Variants in C12orf56 observed in about 807,000 individuals in gnomAD.
The protein encoded by C12orf56 is uncharacterized protein C12orf56.
C12orf56 carries 71 observed loss-of-function variants against 69.9 expected under a neutral mutation model. The observed-to-expected ratio is 1.02, with a 90% confidence interval of 0.84 to 1.24. The LOEUF is 1.24. C12orf56 is among the 50% of genes most tolerant of loss of function. The pLI, the probability that C12orf56 is intolerant of heterozygous loss-of-function variation, is 0.00. For missense variants in C12orf56, 732 were observed against 738.5 expected, an observed-to-expected ratio of 0.99 and a Z score of 0.10; for synonymous variants, 276 against 274.1, an observed-to-expected ratio of 1.01 and a Z score of -0.07.
intron 5 of C12orf56, among the ~76,000 whole-genome samples, chr12:64,305,551 T>G (rs190394966): frequency 6.6e-6 from 1 of 152,148 alleles, no homozygotes; most frequent in Non-Finnish European, 1.5e-5. Context: ...CCAGCTAATT[T>G]TTTGTATTTT....
At chr12:64,292,818 C>G (rs2038308210) in intron 6 of C12orf56, among the ~76,000 whole-genome samples, 1 of 120,052 alleles carries the variant, frequency 8.3e-6, no homozygotes, top group South Asian at 3.5e-4. Context: ...TGTCTGTGCC[C>G]TGCCCCCAGA....
At chr12:64,323,153 A>T (rs933434760) in intron 3 of C12orf56, among the ~76,000 whole-genome samples, 1 of 152,156 alleles carries the variant, frequency 6.6e-6, no homozygotes, top group African/African-American at 2.4e-5. Context: ...GTTCAGGGAG[A>T]GAAGATGCAA....
chr12:64,339,880 G>A lies in C12orf56; in HGVS notation c.416-8848C>T, dbSNP rs57946342. On this transcript the variant is annotated intron_variant, in intron 2 of 12. Transcript: ENST00000543942. ...CTGTATTAGTCAGTGTTCTCTAGAG[G>A]GACAGAATTAATGGAATAAATATAT... Among the ~76,000 whole-genome samples the A allele has an allele frequency of 7.6e-3, 1,163 of 152,066 alleles. 18 individuals are homozygous for A. Among genetic ancestry groups the A allele is most frequent in the African/African-American group, 0.027 (1,100 of 41,486 alleles).
intron 1 of C12orf56, among the ~76,000 whole-genome samples, chr12:64,375,120 T>C (rs1054046096): frequency 4.0e-5 from 6 of 151,758 alleles, no homozygotes; most frequent in African/African-American, 9.7e-5. Flanking sequence ...TACAGTGGTG[T>C]GACCATGGTT....
At chr12:64,301,632 T>C (rs758922873) in intron 6 of C12orf56, among the ~76,000 whole-genome samples, 3 of 152,194 alleles carry the variant, frequency 2.0e-5, no homozygotes, top group Non-Finnish European at 4.4e-5. Context: ...CATGTAGACA[T>C]ATAGCTTAGA....
chr12:64,311,119 T>C (rs2038606723), intron 5 of C12orf56, among the ~76,000 whole-genome samples: 1 of 152,098 alleles, frequency 6.6e-6, no homozygotes, highest in Non-Finnish European at 1.5e-5. Flanking sequence ...AGTCTATCAT[T>C]GTTGGACATT....
At chr12:64,356,105 A>G (rs1467377455) in intron 1 of C12orf56, among the ~76,000 whole-genome samples, 2 of 141,188 alleles carry the variant, frequency 1.4e-5, no homozygotes, top group Non-Finnish European at 3.0e-5. Context: ...TGGAGGTTGC[A>G]GTGAGCCGAG....
intron 1 of C12orf56, among the ~76,000 whole-genome samples, chr12:64,382,262 CAAAAA>C (rs55714337): frequency 6.1e-5 from 6 of 97,676 alleles, no homozygotes; most frequent in Non-Finnish European, 1.2e-4. Flanking sequence ...ACTCTTGTCT[CAAAAA>C]AAAAAAAAAA....
At chr12:64,381,879 C>A (rs2039723116) in intron 1 of C12orf56, among the ~76,000 whole-genome samples, 1 of 152,040 alleles carries the variant, frequency 6.6e-6, no homozygotes, top group East Asian at 1.9e-4. Context: ...ATAGGGAAAA[C>A]CAAGGAGGAA....
At position 64,266,678 on chromosome 12, in the gene C12orf56, A is replaced by C. The variant is rs1339476024; in HGVS notation, c.*505T>G. On this transcript the variant is annotated 3_prime_UTR_variant, in exon 13 of 13. Coordinates refer to ENST00000543942, the MANE Select transcript of C12orf56 (RefSeq NM_001170633.2). The stretch of plus-strand genomic sequence containing the variant: ...TGTGCCTGGCATGGTTTCACCGAGA[A>C]CACTGTGCCCAAGCTGAGAAGATAA... 3.7e-6 allele frequency: 3 copies of C among 820,954 alleles called. No individual in the cohort carries two copies. The allele number at this position is 820,954 out of a possible 1,614,324, so 50.9% of individuals were successfully genotyped here. A position where few individuals can be genotyped will look rare whatever the true frequency, so the allele number is the denominator to read the frequency against.
In C12orf56 at chr12:64,387,077, C is replaced by CAACAAAAAAAAAAA. The variant is rs1201123599; in HGVS notation, c.252+3236_252+3237insTTTTTTTTTTTGTT. Among the ~76,000 whole-genome samples the CAACAAAAAAAAAAA allele has an allele frequency of 7.4e-4, 31 of 42,110 alleles. 4 individuals carry two copies. The highest frequency in any genetic ancestry group is 3.3e-3 in the African/African-American group (30 of 9,160). 27.6% of individuals were successfully genotyped at this position (42,110 alleles called of 152,430 possible). A position where few individuals can be genotyped will look rare whatever the true frequency, so the allele number is the denominator to read the frequency against. ...TGGGTAACAGAGCGAGACTCTATCT[C>CAACAAAAAAAAAAA]AAAAAAAAAAAAAAAAAAAAAAAAA... On this transcript the variant is annotated intron_variant, in intron 1 of 12. Transcript: ENST00000543942.
chr12:64,363,812 C>A (rs1441521793), intron 1 of C12orf56, among the ~76,000 whole-genome samples: 4 of 152,076 alleles, frequency 2.6e-5, no homozygotes, highest in African/African-American at 9.7e-5. Context: ...CCTTTAATCC[C>A]CTGACCTGCA....
At chr12:64,356,184 A>AC (rs2039313234) in intron 1 of C12orf56, among the ~76,000 whole-genome samples, 6 of 146,854 alleles carry the variant, frequency 4.1e-5, no homozygotes, top group Non-Finnish European at 6.1e-5. Context: ...AAAAAAAAAA[A>AC]AAAAAAAAAA....
chr12:64,373,205 T>C (rs2135975932), intron 1 of C12orf56, among the ~76,000 whole-genome samples: 1 of 152,246 alleles, frequency 6.6e-6, no homozygotes, highest in East Asian at 1.9e-4. Context: ...GAATACTCCA[T>C]ATGAAATCTA....
rs759052735 is a variant in C12orf56, at chr12:64,318,828, G to T, written c.641C>A (p.Ala214Asp). 5.2e-6 allele frequency: 8 copies of T among 1,537,118 alleles called. No individual in the cohort carries two copies. Among genetic ancestry groups the T allele is most frequent in the Non-Finnish European group, 5.2e-6 (6 of 1,146,922 alleles). Reference sequence around the variant, plus strand: ...TGTTGTGCAAGATGGCTCGCTGACAGCCTTGCCAGTTGTTGGTGCAGACTG... The same window carrying T: ...TGTTGTGCAAGATGGCTCGCTGACATCCTTGCCAGTTGTTGGTGCAGACTG... Reference protein sequence around the residue: ...SSQSAPTTGKAVSEPSCTTNT... With the variant: ...SSQSAPTTGKDVSEPSCTTNT... Residue 214 changes from alanine (A) to aspartate (D), a missense_variant, in exon 4 of 13, where the codon GCT (alanine) becomes GAT (aspartate). Coordinates refer to ENST00000543942, the MANE Select transcript of C12orf56 (RefSeq NM_001170633.2).
chr12:64,308,936 GAAAGAAGAAAGAAAGA>G (rs2038561558), intron 5 of C12orf56, among the ~76,000 whole-genome samples: 1 of 32,574 alleles, frequency 3.1e-5, no homozygotes, highest in Admixed American at 3.8e-4. Flanking sequence ...AAGAAAGAAA[GAAAGAAGAAAGAAAGA>G]AAGAAAGAAA....
chr12:64,306,960 G>C (rs1257087781), intron 5 of C12orf56, among the ~76,000 whole-genome samples: 1 of 152,150 alleles, frequency 6.6e-6, no homozygotes. Context: ...CAGTGCATTT[G>C]AAATCATGGC....
chr12:64,325,372 A>AAGAAGAAG (rs1555189852), intron 3 of C12orf56, among the ~76,000 whole-genome samples: 52,199 of 141,142 alleles, frequency 0.37, 9,850 homozygotes, highest in South Asian at 0.38. Context: ...AAAAAAAAAA[A>AAGAAGAAG]AAGAAGAAGA....
At chr12:64,378,750 T>C (rs1565782366) in intron 1 of C12orf56, among the ~76,000 whole-genome samples, 1 of 151,984 alleles carries the variant, frequency 6.6e-6, no homozygotes, top group Admixed American at 6.5e-5. Flanking sequence ...ATTGGGACTT[T>C]TAAAAATGAA....
Sources: gnomAD v4.1 joint callset for allele counts (sites outside exome capture counted in the v4.1 genomes callset) on GRCh38, gnomAD v4.1.1 for gene constraint, MANE v1.5 for transcripts, NCBI Gene and HGNC (gene_info 2026-07-23, HGNC 2026-07-21) for gene names.